SLCO2A1: variants seen among roughly 807,000 people sequenced by gnomAD.
SLCO2A1 encodes matrin F/G 1.
A neutral mutation model predicts 71.7 loss-of-function variants in SLCO2A1; 60 were observed. The observed-to-expected ratio is 0.84, with a 90% CI of 0.68 to 1.04. The LOEUF is 1.04. SLCO2A1 is among the 50% of genes least tolerant of loss of function. The pLI, the probability that SLCO2A1 is intolerant of heterozygous loss-of-function variation, is 0.00. For synonymous variants in SLCO2A1, 308 were observed against 326.7 expected (o/e 0.94, Z 0.62); for missense variants, 745 against 813.4 (o/e 0.92, Z 1.02).
rs1033503988 is a variant in SLCO2A1 at position 133,955,163 on chromosome 3, C to T, written c.428G>A (p.Cys143Tyr). The T allele has an allele frequency of 6.2e-7, 1 of 1,613,842 alleles. No individual in the cohort carries two copies. The highest frequency in any genetic ancestry group is 1.3e-5 in the African/African-American group (1 of 74,930). ...GNNSRLQAEL[C>Y]QKHWQDLPPS... is the part of the protein sequence containing the mutation. ...AGGCAGGTCCTGCCAATGCTTCTGG[C>T]AGAGCTCGGCCTGCAAGCGGCTGTT... Residue 143 changes from cysteine (C) to tyrosine (Y), a missense_variant, in exon 4 of 14, where the codon TGC becomes TAC. Cys to Tyr is a radical substitution (Grantham distance 194). Transcript: ENST00000310926.
chr3:134,019,610 G>A (rs781536956), intron 1 of SLCO2A1, among the ~76,000 whole-genome samples: 1 of 152,094 alleles, frequency 6.6e-6, no homozygotes, highest in East Asian at 1.9e-4. Context: ...TGAGCCCCAT[G>A]AGCTGGATAT....
At chr3:133,964,817 G>A (rs150803990) in intron 3 of SLCO2A1, among the ~76,000 whole-genome samples, 4 of 152,326 alleles carry the variant, frequency 2.6e-5, no homozygotes, top group South Asian at 2.1e-4. Flanking sequence ...GGCTCACTGT[G>A]CATGCCCAAC....
chr3:133,943,867 A>G (rs926745621), intron 10 of SLCO2A1, among the ~76,000 whole-genome samples: 2 of 152,214 alleles, frequency 1.3e-5, no homozygotes, highest in East Asian at 3.8e-4. Context: ...GTCCTTTCAG[A>G]GGAGGTTGGT....
intron 3 of SLCO2A1, among the ~76,000 whole-genome samples, chr3:133,967,224 G>A (rs903271155): frequency 5.3e-5 from 8 of 152,198 alleles, no homozygotes; most frequent in Admixed American, 6.5e-5. Flanking sequence ...CCACACTTAG[G>A]TCTCCACCAG....
chr3:134,008,757 A>C (rs552527231), intron 1 of SLCO2A1, among the ~76,000 whole-genome samples: 1 of 152,338 alleles, frequency 6.6e-6, no homozygotes, highest in South Asian at 2.1e-4. Context: ...TGGGCACCAG[A>C]AGAGCAGAGA....
intron 1 of SLCO2A1, among the ~76,000 whole-genome samples, chr3:133,981,019 A>G (rs960840848): frequency 3.3e-5 from 5 of 152,214 alleles, no homozygotes; most frequent in Non-Finnish European, 7.3e-5. Flanking sequence ...GTATTCTGAA[A>G]TTCTTCTTAA....
At chr3:133,961,054 A>C (rs1934024194) in intron 3 of SLCO2A1, among the ~76,000 whole-genome samples, 2 of 151,858 alleles carry the variant, frequency 1.3e-5, no homozygotes, top group South Asian at 4.2e-4. Context: ...CTTGTGCATG[A>C]TGGGAAGGGG....
intron 1 of SLCO2A1, among the ~76,000 whole-genome samples, chr3:133,999,805 T>C (rs1471644845): frequency 6.6e-6 from 1 of 151,884 alleles, no homozygotes; most frequent in African/African-American, 2.4e-5. Flanking sequence ...TCTGAGAGAG[T>C]TCCAGGTAGG....
intron 9 of SLCO2A1, 62 bp downstream of exon 9, chr3:133,947,194 A>G: frequency 2.8e-6 from 4 of 1,408,522 alleles, no homozygotes; most frequent in Non-Finnish European, 3.9e-6. Flanking sequence ...GAAGATGTAT[A>G]ACAGCCAGAT....
At chr3:133,979,834 T>G (rs1325108401) in intron 1 of SLCO2A1, among the ~76,000 whole-genome samples, 1 of 152,216 alleles carries the variant, frequency 6.6e-6, no homozygotes, top group Non-Finnish European at 1.5e-5. Flanking sequence ...TTCCTGTTAT[T>G]ACTGCATTCT....
intron 3 of SLCO2A1, among the ~76,000 whole-genome samples, chr3:133,968,616 C>T (rs1288705562): frequency 6.6e-6 from 1 of 152,258 alleles, no homozygotes; most frequent in Non-Finnish European, 1.5e-5. Context: ...CTCCAGGAAG[C>T]TTCCTGCCTG....
intron 1 of SLCO2A1, among the ~76,000 whole-genome samples, chr3:134,020,470 G>A (rs141494191): frequency 0.011 from 1,656 of 152,344 alleles, 30 homozygotes; most frequent in African/African-American, 0.036. Flanking sequence ...TCCTGAGAGC[G>A]CTCAGGGGTA....
At chr3:133,939,235 A>G (rs1227450207) in intron 11 of SLCO2A1, among the ~76,000 whole-genome samples, 1 of 152,158 alleles carries the variant, frequency 6.6e-6, no homozygotes, top group Admixed American at 6.5e-5. Flanking sequence ...AAGAGAGGAA[A>G]ATGTGTTTGG....
chr3:134,023,697 AT>A lies in SLCO2A1; in HGVS notation c.96+6009del, dbSNP rs563548711. 2.7e-3 allele frequency among the ~76,000 whole-genome samples: 409 copies of A among 152,364 alleles called. 7 individuals are homozygous for A. The highest frequency in any genetic ancestry group is 9.4e-3 in the African/African-American group (392 of 41,588). On this transcript the variant is annotated intron_variant, in intron 1 of 13. Transcript: ENST00000310926. ...TAAAGACTTAAAACAAACTTTAGCA[AT>A]TTGAGACAGGATACCAAGATGCAAA...
intron 1 of SLCO2A1, among the ~76,000 whole-genome samples, chr3:133,989,433 C>A (rs1934789352): frequency 6.6e-6 from 1 of 152,198 alleles, no homozygotes; most frequent in Non-Finnish European, 1.5e-5. Flanking sequence ...ACTTCCCTCT[C>A]TTGGGAAGAA....
chr3:133,996,374 C>A (rs1342103744), intron 1 of SLCO2A1, among the ~76,000 whole-genome samples: 1 of 152,220 alleles, frequency 6.6e-6, no homozygotes, highest in African/African-American at 2.4e-5. Context: ...TGCTTAGAAG[C>A]AGGGCGGGCA....
chr3:134,017,182 C>G (rs75343046), intron 1 of SLCO2A1, among the ~76,000 whole-genome samples: 3,647 of 152,264 alleles, frequency 0.024, 130 homozygotes, highest in East Asian at 0.16. Flanking sequence ...TATACACACA[C>G]TTGATAGCAA....
chr3:134,005,630 T>C (rs112812346), intron 1 of SLCO2A1, among the ~76,000 whole-genome samples: 1 of 151,954 alleles, frequency 6.6e-6, no homozygotes, highest in East Asian at 1.9e-4. Context: ...TACAGGCGCC[T>C]GCCACCACGC....
At chr3:133,966,730 G>C (rs1213166760) in intron 3 of SLCO2A1, among the ~76,000 whole-genome samples, 1 of 152,222 alleles carries the variant, frequency 6.6e-6, no homozygotes, top group East Asian at 1.9e-4. Flanking sequence ...CTGGTGGGTA[G>C]CACGCTGCCC....
Sources: allele counts gnomAD v4.1 joint callset (sites outside exome capture counted in the v4.1 genomes callset), GRCh38; gene constraint gnomAD v4.1.1; transcripts MANE v1.5; gene names NCBI Gene and HGNC (gene_info 2026-07-23, HGNC 2026-07-21).